Variants in ST18 observed in about 807,000 individuals in gnomAD.
ST18 encodes the protein suppression of tumorigenicity 18 protein.
A neutral mutation model predicts 110.0 loss-of-function variants in ST18; 50 were observed. That is an observed-to-expected ratio of 0.45 (90% confidence interval 0.36 to 0.58). ST18 has a LOEUF of 0.58. Among genes scored for constraint, ST18 ranks in the 20% least tolerant of loss-of-function variants. The pLI is 0.00. For missense variants in ST18, 1,306 were observed against 1,280.1 expected (o/e 1.02, Z -0.31); for synonymous variants, 461 against 452.4 (o/e 1.02, Z -0.24).
chr8:52,222,564 T>C (rs1045360563), intron 3 of ST18, among the ~76,000 whole-genome samples: 14 of 152,072 alleles, frequency 9.2e-5, no homozygotes, highest in African/African-American at 2.9e-4. Context: ...TTTGACACAA[T>C]AGAGTTCATG....
At chr8:52,154,749 C>T (rs2059615765) in intron 15 of ST18, 1 of 152,132 alleles carries the variant, frequency 6.6e-6, no homozygotes, top group Non-Finnish European at 1.5e-5. Flanking sequence ...TACAGTGGTT[C>T]ATGCCTGTAA....
chr8:52,246,644 A>T (rs761085001), intron 2 of ST18: 7 of 152,172 alleles, frequency 4.6e-5, no homozygotes, highest in Admixed American at 3.3e-4. Flanking sequence ...TGCTTCAGGG[A>T]CACTCACAAA....
chr8:52,371,499 C>A (rs1323631991), intron 2 of ST18, among the ~76,000 whole-genome samples: 2 of 151,750 alleles, frequency 1.3e-5, no homozygotes, highest in Non-Finnish European at 2.9e-5. Context: ...GAAAAGACAC[C>A]AAGATATTAG....
intron 2 of ST18, among the ~76,000 whole-genome samples, chr8:52,358,416 C>A (rs1347043395): frequency 2.6e-5 from 4 of 151,800 alleles, no homozygotes; most frequent in African/African-American, 9.7e-5. Flanking sequence ...AAAGTAGTTT[C>A]TTTTAAAAAG....
At chr8:52,166,821 G>A (rs993410765) in intron 11 of ST18, 31 bp downstream of exon 11, 9 of 1,522,424 alleles carry the variant, frequency 5.9e-6, no homozygotes, top group South Asian at 1.3e-5. Flanking sequence ...GCGTGCATAA[G>A]CAGAAGCTTT....
In ST18 at chr8:52,214,161, G is replaced by C. The variant is rs760521281; in HGVS notation, c.55+42C>G. The C allele has an allele frequency of 1.9e-6, 3 of 1,597,182 alleles. No homozygotes were observed. In the African/African-American group the frequency reaches 4.0e-5, roughly 21 times the overall value. ...AGCACTGGAACGCTCATATTTCATG[G>C]TGTGGTGGGCATAGTGTCATAGAAC... is the stretch of plus-strand genomic sequence containing the variant. On this transcript the variant is annotated intron_variant, in intron 7 of 25. Coordinates refer to ENST00000689386, the MANE Select transcript of ST18 (RefSeq NM_001352837.2).
chr8:52,260,767 C>T (rs923761078), intron 2 of ST18, among the ~76,000 whole-genome samples: 1 of 152,044 alleles, frequency 6.6e-6, no homozygotes, highest in African/African-American at 2.4e-5. Flanking sequence ...TAGTTTATTC[C>T]CCTCTTTACA....
At chr8:52,211,937 G>A in intron 8 of ST18, 142 bp downstream of exon 8, 1 of 764,114 alleles carries the variant, frequency 1.3e-6, no homozygotes, top group Non-Finnish European at 2.2e-6. Flanking sequence ...CCTTCTTGGT[G>A]CATACACAAC....
intron 2 of ST18, among the ~76,000 whole-genome samples, chr8:52,392,807 C>G (rs1839749961): frequency 6.6e-6 from 1 of 152,174 alleles, no homozygotes; most frequent in Admixed American, 6.5e-5. Context: ...ACCAATCTGA[C>G]TGGTTGCAGA....
At chr8:52,120,499 A>G (rs2044278691) in intron 23 of ST18, among the ~76,000 whole-genome samples, 1 of 152,158 alleles carries the variant, frequency 6.6e-6, no homozygotes, top group Non-Finnish European at 1.5e-5. Context: ...AAGACTTTCA[A>G]GATCAGAAGG....
At chr8:52,359,372 G>C (rs972540032) in intron 2 of ST18, among the ~76,000 whole-genome samples, 2 of 152,042 alleles carry the variant, frequency 1.3e-5, no homozygotes, top group Non-Finnish European at 2.9e-5. Flanking sequence ...AATTAAAAAA[G>C]GAGGAGGAAG....
chr8:52,404,959 A>G (rs1426829526), intron 2 of ST18: 1 of 152,244 alleles, frequency 6.6e-6, no homozygotes, highest in African/African-American at 2.4e-5. Flanking sequence ...TTATCGCCTC[A>G]GAACTGTAAT....
At chr8:52,162,553 A>G (rs1193553652) in intron 13 of ST18, among the ~76,000 whole-genome samples, 1 of 152,172 alleles carries the variant, frequency 6.6e-6, no homozygotes, top group Non-Finnish European at 1.5e-5. Flanking sequence ...TCAATATTTT[A>G]TCGATTGAAT....
At chr8:52,133,370 T>G in intron 19 of ST18, 69 bp from the exon 20 acceptor site, 1 of 1,564,452 alleles carries the variant, frequency 6.4e-7, no homozygotes, top group Non-Finnish European at 8.8e-7. Context: ...ACACTCAAGT[T>G]ATTTAGGTTC....
intron 2 of ST18, among the ~76,000 whole-genome samples, chr8:52,239,950 C>T (rs574829406): frequency 2.6e-5 from 4 of 152,168 alleles, no homozygotes; most frequent in Non-Finnish European, 4.4e-5. Flanking sequence ...GATGCCAACA[C>T]ACCTGGCTTA....
intron 2 of ST18, among the ~76,000 whole-genome samples, chr8:52,257,102 T>C (rs2138553131): frequency 6.6e-6 from 1 of 152,338 alleles, no homozygotes; most frequent in South Asian, 2.1e-4. Context: ...CACAATACTT[T>C]CAAGGTTTAT....
At chr8:52,335,563 C>G (rs1029033916) in intron 2 of ST18, among the ~76,000 whole-genome samples, 3 of 152,092 alleles carry the variant, frequency 2.0e-5, no homozygotes, top group African/African-American at 7.2e-5. Context: ...ATTCACATAG[C>G]CTGAAGGTGA....
chr8:52,208,555 G>A (rs573731497), intron 8 of ST18, among the ~76,000 whole-genome samples: 27 of 152,352 alleles, frequency 1.8e-4, no homozygotes, highest in African/African-American at 6.3e-4. Context: ...GGCTGGGCGC[G>A]GTGGCTCACG....
intron 8 of ST18, among the ~76,000 whole-genome samples, chr8:52,195,811 T>C (rs2076019122): frequency 6.6e-6 from 1 of 152,080 alleles, no homozygotes; most frequent in South Asian, 2.1e-4. Flanking sequence ...TAAATTCTCT[T>C]TTTTTTGCTT....
Sources: allele counts gnomAD v4.1 joint callset (sites outside exome capture counted in the v4.1 genomes callset), GRCh38; gene constraint gnomAD v4.1.1; transcripts MANE v1.5; gene names NCBI Gene and HGNC (gene_info 2026-07-23, HGNC 2026-07-21).